Variants in GRIN2B observed in about 807,000 individuals in gnomAD.
GRIN2B encodes glutamate receptor ionotropic, NMDA 2B.
A neutral mutation model predicts 114.5 loss-of-function variants in GRIN2B; 5 were observed. The ratio of observed to expected loss-of-function variants is 0.04; its 90% confidence interval spans 0.02 to 0.09. The LOEUF (loss-of-function observed/expected upper bound fraction) is 0.09. Among genes scored for constraint, GRIN2B ranks in the 10% least tolerant of loss-of-function variants. GRIN2B has a pLI of 1.00. For synonymous variants in GRIN2B, 787 were observed against 745.1 expected (o/e 1.06, Z -0.92); for missense variants, 1,108 against 1,943.5 (o/e 0.57, Z 8.08).
chr12:13,565,769 C>T (rs932914761), intron 13 of GRIN2B, among the ~76,000 whole-genome samples: 2 of 152,100 alleles, frequency 1.3e-5, no homozygotes, highest in Admixed American at 6.6e-5. Context: ...TTAGAAGAAT[C>T]GTAGCGAAAT....
Position 13,652,226 on chromosome 12 carries a change from C to A in GRIN2B, c.1125+23519G>T, listed in dbSNP as rs142982761. Among the ~76,000 whole-genome samples the A allele has an allele frequency of 6.9e-3, 1,044 of 151,982 alleles. 6 individuals carry two copies. Among genetic ancestry groups the A allele is most frequent in the Non-Finnish European group, 0.012 (812 of 67,982 alleles). On this transcript the variant is annotated intron_variant, in intron 5 of 13. Coordinates refer to ENST00000609686, the MANE Select transcript of GRIN2B (RefSeq NM_000834.5). ...GAAGGTTCACTTCAAATGTTTCCTT[C>A]TCTGGCAAGCTTTTCCTGACCTCTC...
rs944190791 is a variant in GRIN2B at position 13,981,327 on chromosome 12, C to T, written c.-448+15G>A. The T allele has an allele frequency of 2.0e-5, 3 of 152,300 alleles. No individual in the cohort carries two copies. Among genetic ancestry groups the T allele is most frequent in the African/African-American group, 7.2e-5 (3 of 41,434 alleles). 9.4% of individuals were successfully genotyped at this position (152,300 alleles called of 1,614,324 possible). A position where few individuals can be genotyped will look rare whatever the true frequency, so the allele number is the denominator to read the frequency against. ...TACATTCAAAGGAGAGACTCCAAAG[C>T]CCATCTTTACGTACCGGCTCCGAGC... On this transcript the variant is annotated intron_variant, in intron 1 of 13. Coordinates refer to ENST00000609686, the MANE Select transcript of GRIN2B (RefSeq NM_000834.5).
At chr12:13,788,014 C>G (rs569627047) in intron 3 of GRIN2B, among the ~76,000 whole-genome samples, 75 of 152,290 alleles carry the variant, frequency 4.9e-4, no homozygotes, top group African/African-American at 1.6e-3. Context: ...GCCAATGGAG[C>G]CCTCGTGAAC....
intron 2 of GRIN2B, among the ~76,000 whole-genome samples, chr12:13,950,666 T>C (rs960612490): frequency 6.6e-6 from 1 of 152,200 alleles, no homozygotes; most frequent in African/African-American, 2.4e-5. Context: ...AAAGGAGTGC[T>C]GAGATGCCTC....
intron 2 of GRIN2B, among the ~76,000 whole-genome samples, chr12:13,964,535 C>T (rs1032828008): frequency 3.3e-5 from 5 of 152,174 alleles, no homozygotes; most frequent in Non-Finnish European, 7.3e-5. Flanking sequence ...GGAATATTTG[C>T]CAGGGTGTGC....
At chr12:13,965,637 GA>G (rs1464290850) in intron 2 of GRIN2B, among the ~76,000 whole-genome samples, 7 of 151,964 alleles carry the variant, frequency 4.6e-5, no homozygotes, top group Admixed American at 2.0e-4. Context: ...AGAAATTAAA[GA>G]TATACTTCTT....
chr12:13,866,946 T>G (rs1865838113), intron 2 of GRIN2B, among the ~76,000 whole-genome samples: 1 of 152,196 alleles, frequency 6.6e-6, no homozygotes, highest in South Asian at 2.1e-4. Context: ...AAGCTAAGTG[T>G]TCTAAGACCA....
chr12:13,814,869 A>T (rs1864789063), intron 3 of GRIN2B, among the ~76,000 whole-genome samples: 1 of 152,228 alleles, frequency 6.6e-6, no homozygotes, highest in Non-Finnish European at 1.5e-5. Flanking sequence ...ACTTCAGAGC[A>T]TTGAGAGGTC....
intron 2 of GRIN2B, among the ~76,000 whole-genome samples, chr12:13,867,825 C>T (rs1394015705): frequency 6.6e-6 from 1 of 151,120 alleles, no homozygotes; most frequent in East Asian, 1.9e-4. Context: ...ACCAGATTCT[C>T]ATTCTTCTAC....
intron 10 of GRIN2B, among the ~76,000 whole-genome samples, chr12:13,600,705 G>A (rs1949145544): frequency 1.3e-5 from 2 of 152,298 alleles, no homozygotes; most frequent in South Asian, 4.1e-4. Flanking sequence ...CAAAGGAATT[G>A]TGAAAATGAT....
intron 8 of GRIN2B, among the ~76,000 whole-genome samples, chr12:13,614,830 A>G (rs560824336): frequency 1.3e-5 from 2 of 152,352 alleles, no homozygotes; most frequent in East Asian, 3.9e-4. Context: ...TCAAGGTCAC[A>G]TGCTGACTAA....
At chr12:13,887,788 T>C (rs1175597267) in intron 2 of GRIN2B, among the ~76,000 whole-genome samples, 1 of 152,208 alleles carries the variant, frequency 6.6e-6, no homozygotes, top group East Asian at 1.9e-4. Flanking sequence ...GATGCCTCCA[T>C]GGGTGAGTAG....
At position 13,567,269 on chromosome 12, in the gene GRIN2B, G is replaced by A. The variant is rs1351310019; in HGVS notation, c.2360-6C>T. The A allele has an allele frequency of 8.8e-6, 14 of 1,598,912 alleles. No individual in the cohort carries two copies. Among genetic ancestry groups the A allele is most frequent in the South Asian group, 2.2e-5 (2 of 90,788 alleles). ...TTCCAGTTCTTCCATCTCCCCTGGG[G>A]AAAGGACAGAGAAGGAAAATGGATA... On this transcript the variant is annotated splice_polypyrimidine_tract_variant and splice_region_variant and intron_variant, in intron 12 of 13. Transcript: ENST00000609686.
intron 5 of GRIN2B, among the ~76,000 whole-genome samples, chr12:13,674,524 A>G (rs1224776567): frequency 6.6e-6 from 1 of 152,126 alleles, no homozygotes; most frequent in African/African-American, 2.4e-5. Flanking sequence ...GTGAGCATTC[A>G]CACATTCACA....
At chr12:13,836,996 T>C (rs1865281634) in intron 3 of GRIN2B, among the ~76,000 whole-genome samples, 1 of 152,238 alleles carries the variant, frequency 6.6e-6, no homozygotes. Context: ...GGGCTCTCTC[T>C]TTCTTTTTGT....
At chr12:13,790,660 T>G (rs895452156) in intron 3 of GRIN2B, among the ~76,000 whole-genome samples, 4 of 152,210 alleles carry the variant, frequency 2.6e-5, no homozygotes, top group African/African-American at 9.7e-5. Flanking sequence ...CTTCTTTTCT[T>G]TCAGTTGGTT....
At chr12:13,862,687 A>C (rs1865769566) in intron 3 of GRIN2B, among the ~76,000 whole-genome samples, 1 of 152,196 alleles carries the variant, frequency 6.6e-6, no homozygotes, top group Non-Finnish European at 1.5e-5. Context: ...AACAAAAAAA[A>C]AACCTGGCCT....
chr12:13,902,732 A>T (rs150510598), intron 2 of GRIN2B, among the ~76,000 whole-genome samples: 4,903 of 152,094 alleles, frequency 0.032, 289 homozygotes, highest in African/African-American at 0.11. Flanking sequence ...AATCACTTGA[A>T]CCCGGGAGGC....
At chr12:13,618,190 C>A (rs1033621906) in intron 5 of GRIN2B, among the ~76,000 whole-genome samples, 1 of 152,168 alleles carries the variant, frequency 6.6e-6, no homozygotes, top group African/African-American at 2.4e-5. Flanking sequence ...CCAAATGGCT[C>A]TCCAGCCAGT....
Sources: allele counts gnomAD v4.1 joint callset (sites outside exome capture counted in the v4.1 genomes callset), GRCh38; gene constraint gnomAD v4.1.1; transcripts MANE v1.5; gene names NCBI Gene and HGNC (gene_info 2026-07-23, HGNC 2026-07-21).